The following CAMK4 variants were observed in gnomAD, a reference collection of about 807,000 sequenced individuals.
The protein encoded by CAMK4 is calcium/calmodulin dependent protein kinase IV.
In CAMK4, 22 loss-of-function variants were observed where a neutral mutation model predicts 44.9. That is an observed-to-expected ratio of 0.49 (90% CI 0.35 to 0.70). CAMK4 has a LOEUF of 0.70. Among genes scored for constraint, CAMK4 ranks in the 30% least tolerant of loss-of-function variants. The pLI is 0.01. For missense variants in CAMK4, 498 were observed against 586.8 expected, an observed-to-expected ratio of 0.85 and a Z score of 1.56; for synonymous variants, 218 against 215.4, an observed-to-expected ratio of 1.01 and a Z score of -0.11.
chr5:111,457,425 C>T (rs1754458158), intron 7 of CAMK4, among the ~76,000 whole-genome samples: 1 of 152,150 alleles, frequency 6.6e-6, no homozygotes, highest in Non-Finnish European at 1.5e-5. Context: ...ATTAACAGAA[C>T]AGTTTCTAAG....
chr5:111,426,678 C>A (rs1423358756), intron 5 of CAMK4, among the ~76,000 whole-genome samples: 1 of 152,168 alleles, frequency 6.6e-6, no homozygotes, highest in Non-Finnish European at 1.5e-5. Context: ...GTAAGGAGAG[C>A]ATCTCTGGGT....
At chr5:111,331,133 T>G (rs1749150682) in intron 1 of CAMK4, among the ~76,000 whole-genome samples, 1 of 151,626 alleles carries the variant, frequency 6.6e-6, no homozygotes, top group Admixed American at 6.6e-5. Context: ...ATTAAAAGAT[T>G]ATGATTATCA....
intron 1 of CAMK4, among the ~76,000 whole-genome samples, chr5:111,240,346 A>C (rs537945176): frequency 4.6e-5 from 7 of 152,178 alleles, no homozygotes; most frequent in Admixed American, 3.3e-4. Flanking sequence ...AATATTTGAA[A>C]GCAGTCTATT....
intron 5 of CAMK4, among the ~76,000 whole-genome samples, chr5:111,415,085 A>AGG (rs1389464768): frequency 1.3e-5 from 2 of 152,246 alleles, no homozygotes; most frequent in Admixed American, 1.3e-4. Flanking sequence ...CTGTCATCAT[A>AGG]GGTTTCACTT....
intron 5 of CAMK4, among the ~76,000 whole-genome samples, chr5:111,418,906 T>G (rs1752916611): frequency 6.6e-6 from 1 of 152,218 alleles, no homozygotes; most frequent in South Asian, 2.1e-4. Flanking sequence ...TAAACATATG[T>G]GTGCATGTGT....
chr5:111,458,301 G>A (rs1754491686), intron 7 of CAMK4, among the ~76,000 whole-genome samples: 1 of 152,174 alleles, frequency 6.6e-6, no homozygotes, highest in Non-Finnish European at 1.5e-5. Flanking sequence ...GAGAGGAAAG[G>A]GACTCTGCAG....
In CAMK4 at chr5:111,396,930, C is replaced by T. The variant is rs572477292; in HGVS notation, c.459+2148C>T. Among the ~76,000 whole-genome samples, 7 of 152,220 alleles carry T rather than the reference C, an allele frequency of 4.6e-5. No homozygotes were observed. In the East Asian group the frequency reaches 9.6e-4, roughly 21 times the overall value. On this transcript the variant is annotated intron_variant, in intron 5 of 10. Transcript: ENST00000282356. Reference sequence around the variant, plus strand: ...TGCTGGAATTACAGGCGTGAGCCACCGCACCCAGCCACAATTCCTATTCCT... The same window carrying T: ...TGCTGGAATTACAGGCGTGAGCCACTGCACCCAGCCACAATTCCTATTCCT...
chr5:111,236,141 C>G (rs1001796323), intron 1 of CAMK4, among the ~76,000 whole-genome samples: 2 of 152,234 alleles, frequency 1.3e-5, no homozygotes, highest in African/African-American at 4.8e-5. Flanking sequence ...ACACTGAGCT[C>G]CATACCCAGC....
intron 7 of CAMK4, among the ~76,000 whole-genome samples, chr5:111,472,704 T>C (rs1052914982): frequency 5.9e-5 from 9 of 152,158 alleles, no homozygotes; most frequent in African/African-American, 2.2e-4. Flanking sequence ...CCTTTCTCAG[T>C]TCATGACCTC....
At chr5:111,362,797 A>G (rs982196062) in intron 2 of CAMK4, among the ~76,000 whole-genome samples, 5 of 152,034 alleles carry the variant, frequency 3.3e-5, no homozygotes, top group African/African-American at 1.2e-4. Context: ...CTCTGTGCCC[A>G]TGGAGGGCAC....
At chr5:111,225,462 CT>C (rs146168846) in intron 1 of CAMK4, among the ~76,000 whole-genome samples, 31,269 of 151,202 alleles carry the variant, frequency 0.21, 3,515 homozygotes, top group Non-Finnish European at 0.26. Context: ...CCCTTACTTC[CT>C]TTTTTTTTGT....
intron 1 of CAMK4, among the ~76,000 whole-genome samples, chr5:111,236,010 G>A (rs548806825): frequency 1.3e-4 from 20 of 152,186 alleles, no homozygotes; most frequent in Non-Finnish European, 2.6e-4. Context: ...GTTACTTGAC[G>A]GCCCTGCCTC....
chr5:111,363,066 C>T lies in CAMK4; in HGVS notation c.241-11784C>T, dbSNP rs189020106. ...TCTGGCAGCTATAAAAGCTCTATAG[C>T]CTGAAATGGGGGAGAAGAGTGAGCA... is the stretch of plus-strand genomic sequence containing the variant. On this transcript the variant is annotated intron_variant, in intron 2 of 10. Coordinates refer to ENST00000282356, the MANE Select transcript of CAMK4 (RefSeq NM_001744.6). Among the ~76,000 whole-genome samples the T allele has an allele frequency of 1.9e-3, 296 of 152,152 alleles. 4 individuals are homozygous for T. The highest frequency in any genetic ancestry group is 3.7e-4 in the Non-Finnish European group (25 of 67,984).
At chr5:111,472,370 C>G (rs1352240534) in intron 7 of CAMK4, among the ~76,000 whole-genome samples, 1 of 152,208 alleles carries the variant, frequency 6.6e-6, no homozygotes, top group East Asian at 1.9e-4. Flanking sequence ...TTCAAGTACG[C>G]TGCTGGCACC....
chr5:111,263,623 T>C (rs561195038), intron 1 of CAMK4, among the ~76,000 whole-genome samples: 1 of 152,326 alleles, frequency 6.6e-6, no homozygotes, highest in East Asian at 1.9e-4. Flanking sequence ...CATCCTGCTA[T>C]AATCCATTTT....
Position 111,494,884 on chromosome 5 carries a change from A to G in CAMK4, c.*10418A>G, listed in dbSNP as rs1378773995. ...TAATAAATCATTTAAGAAACCACCA[A>G]AACTTTGCATTCTGTGATTTCAAAT... On this transcript the variant is annotated 3_prime_UTR_variant, in exon 11 of 11. Coordinates refer to ENST00000282356, the MANE Select transcript of CAMK4 (RefSeq NM_001744.6). 2 of 152,164 alleles carry G rather than the reference A, an allele frequency of 1.3e-5. No individual in the cohort carries two copies. The highest frequency in any genetic ancestry group is 4.8e-5 in the African/African-American group (2 of 41,436). 9.4% of individuals were successfully genotyped at this position (152,164 alleles called of 1,614,324 possible).
intron 5 of CAMK4, among the ~76,000 whole-genome samples, chr5:111,434,053 T>C (rs1391399617): frequency 1.3e-5 from 2 of 152,080 alleles, no homozygotes; most frequent in East Asian, 3.9e-4. Context: ...TTCCAGCACT[T>C]TGGGAGGCCG....
intron 1 of CAMK4, among the ~76,000 whole-genome samples, chr5:111,336,785 T>C (rs547398605): frequency 6.6e-6 from 1 of 151,324 alleles, no homozygotes; most frequent in East Asian, 1.9e-4. Context: ...AAATTAGATT[T>C]TTAGTTTTCT....
chr5:111,394,714 G>A lies in CAMK4; in HGVS notation c.391G>A (p.Val131Met), dbSNP rs1751931694. Reference protein sequence around the residue: ...VTGGELFDRIVEKGYYSERDA... With the variant: ...VTGGELFDRIMEKGYYSERDA... The stretch of plus-strand genomic sequence containing the variant: ...TTTCCTTTCTTTTTGTTCCAGGATT[G>A]TGGAAAAGGGATATTACAGTGAGCG... The change falls in exon 5 of 11, where the codon GTG becomes ATG. Residue 131 changes from valine to methionine, a missense_variant. By Grantham distance (21) the Val-to-Met change is conservative (BLOSUM62 1). Coordinates refer to ENST00000282356, the MANE Select transcript of CAMK4 (RefSeq NM_001744.6). 1 of 1,608,788 alleles carries A rather than the reference G, an allele frequency of 6.2e-7. No homozygotes were observed. Among genetic ancestry groups the A allele is most frequent in the African/African-American group, 1.3e-5 (1 of 74,658 alleles).
Sources: allele counts gnomAD v4.1 joint callset (sites outside exome capture counted in the v4.1 genomes callset), GRCh38; gene constraint gnomAD v4.1.1; transcripts MANE v1.5; gene names NCBI Gene and HGNC (gene_info 2026-07-23, HGNC 2026-07-21).